Variants in ANO6 observed in about 807,000 individuals in gnomAD.
ANO6 encodes the protein anoctamin 6.
Under a neutral mutation model 117.5 loss-of-function variants are expected in ANO6, and 106 were observed. That is an observed-to-expected ratio of 0.90 (90% CI 0.77 to 1.06). The LOEUF is 1.06. Among genes scored for constraint, ANO6 ranks in the 50% least tolerant of loss-of-function variants. The probability of loss-of-function intolerance (pLI) is 0.00; values close to 1 mark genes in which losing one functional copy is unlikely to be tolerated. For synonymous variants in ANO6, 367 were observed against 385.1 expected (o/e 0.95, Z 0.55); for missense variants, 955 against 1,121.1 (o/e 0.85, Z 2.12).
intron 1 of ANO6, among the ~76,000 whole-genome samples, chr12:45,218,765 A>T (rs1044108014): frequency 2.6e-5 from 4 of 152,176 alleles, no homozygotes; most frequent in African/African-American, 9.7e-5. Context: ...TGAAATGAAG[A>T]TAATTTTAAC....
At chr12:45,265,233 A>G (rs1353670267) in intron 1 of ANO6, among the ~76,000 whole-genome samples, 1 of 152,176 alleles carries the variant, frequency 6.6e-6, no homozygotes, top group Non-Finnish European at 1.5e-5. Context: ...TTTAAAGATC[A>G]TTTCAGACAT....
At chr12:45,383,879 G>T (rs538518877) in intron 10 of ANO6, among the ~76,000 whole-genome samples, 6 of 152,166 alleles carry the variant, frequency 3.9e-5, no homozygotes, top group Non-Finnish European at 8.8e-5. Context: ...GTCACCAGCT[G>T]CATTAGCCCC....
chr12:45,416,563 A>T (rs1395644323), intron 16 of ANO6, 136 bp from the exon 17 acceptor site: 3 of 783,096 alleles, frequency 3.8e-6, no homozygotes, highest in Non-Finnish European at 6.5e-6. Context: ...ACTGTTGAAC[A>T]CTAAATTATT....
At chr12:45,434,168 G>A (rs546323367), downstream of ANO6, among the ~76,000 whole-genome samples, 16 of 152,202 alleles carry the variant, frequency 1.1e-4, no homozygotes, top group South Asian at 2.5e-3. Context: ...GAACCACTTC[G>A]CACAGGAACT....
chr12:45,321,643 G>A (rs73279680), intron 2 of ANO6, among the ~76,000 whole-genome samples: 2,548 of 152,070 alleles, frequency 0.017, 58 homozygotes, highest in African/African-American at 0.057. Flanking sequence ...AATGACAGTC[G>A]CGTGTTGTTC....
At chr12:45,268,406 G>T (rs945146860) in intron 1 of ANO6, among the ~76,000 whole-genome samples, 2 of 152,144 alleles carry the variant, frequency 1.3e-5, no homozygotes, top group Non-Finnish European at 1.5e-5. Flanking sequence ...TGTAATCCCA[G>T]CTACTCGAGA....
chr12:45,228,159 T>C (rs1428621627), intron 1 of ANO6: 1 of 429,604 alleles, frequency 2.3e-6, no homozygotes, highest in Admixed American at 2.7e-5. Flanking sequence ...GGTCTCTTTC[T>C]GTTGCCAGGG....
chr12:45,282,221 A>G (rs1177776015), intron 1 of ANO6, among the ~76,000 whole-genome samples: 4 of 152,248 alleles, frequency 2.6e-5, no homozygotes, highest in Admixed American at 6.5e-5. Flanking sequence ...GATGCCTGGG[A>G]CATTTCCAAG....
intron 1 of ANO6, among the ~76,000 whole-genome samples, chr12:45,234,317 G>A (rs572215760): frequency 3.3e-5 from 5 of 152,084 alleles, no homozygotes; most frequent in East Asian, 1.9e-4. Context: ...ACACTGGTTC[G>A]GAGGGAACTG....
At chr12:45,353,585 C>A (rs1234641936) in intron 7 of ANO6, among the ~76,000 whole-genome samples, 1 of 152,150 alleles carries the variant, frequency 6.6e-6, no homozygotes, top group Non-Finnish European at 1.5e-5. Context: ...CATTGCTTCC[C>A]ACTAGTAACC....
chr12:45,386,975 C>T (rs545317151), intron 10 of ANO6, among the ~76,000 whole-genome samples: 2 of 152,342 alleles, frequency 1.3e-5, no homozygotes, highest in South Asian at 4.1e-4. Context: ...CTGTGCTTAC[C>T]TTTATCATAG....
At chr12:45,319,664 A>G (rs991102656) in intron 2 of ANO6, among the ~76,000 whole-genome samples, 4 of 151,988 alleles carry the variant, frequency 2.6e-5, no homozygotes, top group African/African-American at 4.8e-5. Context: ...CTCTTTTTCT[A>G]TTGATTGGAA....
At chr12:45,228,135 T>C in intron 1 of ANO6, 1 of 386,866 alleles carries the variant, frequency 2.6e-6, no homozygotes, top group Non-Finnish European at 5.0e-6. Flanking sequence ...TTTTTTTTTT[T>C]TTTTTTTTGA....
At chr12:45,413,691 A>G (rs1275993665) in intron 16 of ANO6, among the ~76,000 whole-genome samples, 2 of 152,204 alleles carry the variant, frequency 1.3e-5, no homozygotes, top group Non-Finnish European at 2.9e-5. Context: ...GTCAACACAG[A>G]GAAGGCTTGG....
At chr12:45,289,497 C>T (rs1939027610) in intron 1 of ANO6, among the ~76,000 whole-genome samples, 1 of 152,146 alleles carries the variant, frequency 6.6e-6, no homozygotes, top group South Asian at 2.1e-4. Context: ...CTATACTCAC[C>T]AAATTGCTAC....
intron 1 of ANO6, among the ~76,000 whole-genome samples, chr12:45,286,599 A>G (rs1208182236): frequency 1.3e-5 from 2 of 152,234 alleles, no homozygotes; most frequent in African/African-American, 4.8e-5. Context: ...CATTTAATAA[A>G]CTATCATCAG....
At chr12:45,378,024 C>T in intron 9 of ANO6, 29 bp from the exon 10 acceptor site, 1 of 1,581,856 alleles carries the variant, frequency 6.3e-7, no homozygotes, top group Non-Finnish European at 8.7e-7. Flanking sequence ...GAGGATATGA[C>T]TCATTTATAT....
intron 9 of ANO6, among the ~76,000 whole-genome samples, chr12:45,373,391 A>C (rs950110989): frequency 3.3e-5 from 5 of 152,048 alleles, no homozygotes; most frequent in African/African-American, 7.3e-5. Flanking sequence ...TCTCCACCCC[A>C]AATCAACAGG....
chr12:45,286,317 G>A (rs571821687), intron 1 of ANO6, among the ~76,000 whole-genome samples: 51 of 152,194 alleles, frequency 3.4e-4, no homozygotes, highest in African/African-American at 8.4e-4. Flanking sequence ...AATCTTAACC[G>A]TAAAGGCATT....
Sources: allele counts gnomAD v4.1 joint callset (sites outside exome capture counted in the v4.1 genomes callset), GRCh38; gene constraint gnomAD v4.1.1; transcripts MANE v1.5; gene names NCBI Gene and HGNC (gene_info 2026-07-23, HGNC 2026-07-21).